PTCH1: variants seen among roughly 807,000 people sequenced by gnomAD.
PTCH1 encodes patched 1.
Under a neutral mutation model 144.6 loss-of-function variants are expected in PTCH1, and 14 were observed. The ratio of observed to expected loss-of-function variants is 0.10; its 90% confidence interval spans 0.06 to 0.15. PTCH1 has a LOEUF of 0.15. Ranked by LOEUF, PTCH1 falls within the 10% of genes least tolerant of loss-of-function variation. The probability of loss-of-function intolerance (pLI) is 1.00; values close to 1 mark genes in which losing one functional copy is unlikely to be tolerated. For synonymous variants in PTCH1, 833 were observed against 793.6 expected (o/e 1.05, Z -0.83); for missense variants, 1,623 against 1,948.3 (o/e 0.83, Z 3.14).
At chr9:95,448,803 T>C (rs376422388) in intron 22 of PTCH1, among the ~76,000 whole-genome samples, 2 of 151,782 alleles carry the variant, frequency 1.3e-5, no homozygotes, top group African/African-American at 4.8e-5. Flanking sequence ...CTGAACAAGA[T>C]AGATGCTACT....
At chr9:95,463,639 C>T (rs994766252) in intron 15 of PTCH1, among the ~76,000 whole-genome samples, 1 of 152,146 alleles carries the variant, frequency 6.6e-6, no homozygotes, top group African/African-American at 2.4e-5. Flanking sequence ...CTCCCTTAAC[C>T]AGCTAATCCT....
chr9:95,515,537 C>G (rs1300699151), intron 1 of PTCH1, among the ~76,000 whole-genome samples: 3 of 152,206 alleles, frequency 2.0e-5, no homozygotes, highest in Non-Finnish European at 4.4e-5. Context: ...CATGAACGTA[C>G]TAAATACGTG....
chr9:95,496,226 C>T (rs917464554), intron 2 of PTCH1, among the ~76,000 whole-genome samples: 1 of 152,212 alleles, frequency 6.6e-6, no homozygotes, highest in Non-Finnish European at 1.5e-5. Flanking sequence ...CTGTCTAACT[C>T]GCTGCTGCGA....
rs587780705 is a variant in PTCH1 at position 95,485,839 on chromosome 9, G to A, written c.430C>T (p.Arg144Cys). The A allele has an allele frequency of 1.9e-6, 3 of 1,614,010 alleles. No individual in the cohort carries two copies. Among genetic ancestry groups the A allele is most frequent in the Admixed American group, 1.7e-5 (1 of 59,998 alleles). The change falls in exon 3 of 24, where the codon CGC becomes TGC. Residue 144 changes from arginine (R) to cysteine (C), a missense_variant. By Grantham distance (180) the Arg-to-Cys change is radical (BLOSUM62 -3). This residue lies in a region of PTCH1 where 245 missense variants were observed against 240.6 expected (regional missense o/e 1.02). Coordinates refer to ENST00000331920, the MANE Select transcript of PTCH1 (RefSeq NM_000264.5). ...ATAGCCTCTTCTCCAATCTTCTGGC[G>A]AGTATAATTTAATTCACGACTTACT... The part of the protein sequence containing the change: ...GRVSRELNYT[R>C]QKIGEEAMFN...
chr9:95,474,818 AT>A (rs1259406508), intron 12 of PTCH1, among the ~76,000 whole-genome samples: 1 of 152,198 alleles, frequency 6.6e-6, no homozygotes, highest in Non-Finnish European at 1.5e-5. Flanking sequence ...AGACTGGTCA[AT>A]TTCTCTTCCT....
At chr9:95,492,113 T>C (rs954718173) in intron 2 of PTCH1, among the ~76,000 whole-genome samples, 4 of 152,204 alleles carry the variant, frequency 2.6e-5, no homozygotes, top group African/African-American at 9.7e-5. Flanking sequence ...CACTCCCTGA[T>C]CCTTCAACTG....
At position 95,485,850 on chromosome 9, in the gene PTCH1, A is replaced by G. The variant is rs1554702197; in HGVS notation, c.419T>C (p.Leu140Ser). The change falls in exon 3 of 24, where the codon TTA (leucine) becomes TCA (serine). Residue 140 changes from leucine to serine, a missense_variant. Leu to Ser is a moderately radical substitution (Grantham distance 145). Around this residue, in one of 7 missense-constraint regions of PTCH1, gnomAD observed 245 missense variants for 240.6 expected, o/e 1.02. Coordinates refer to ENST00000331920, the MANE Select transcript of PTCH1 (RefSeq NM_000264.5). Reference sequence around the variant, plus strand: ...TCCAATCTTCTGGCGAGTATAATTTAATTCACGACTTACTCGTCCTCCAAC... The same window carrying G: ...TCCAATCTTCTGGCGAGTATAATTTGATTCACGACTTACTCGTCCTCCAAC... ...VEVGGRVSRE[L>S]NYTRQKIGEE... The G allele has an allele frequency of 6.2e-7, 1 of 1,614,218 alleles. No individual in the cohort carries two copies. The highest frequency in any genetic ancestry group is 8.5e-7 in the Non-Finnish European group (1 of 1,180,046).
upstream of PTCH1, among the ~76,000 whole-genome samples, chr9:95,512,835 G>A (rs1844218969): frequency 6.6e-6 from 1 of 152,194 alleles, no homozygotes; most frequent in African/African-American, 2.4e-5. Flanking sequence ...ATAAAAATAA[G>A]TGAGAACTTG....
At position 95,489,725 on chromosome 9, in the gene PTCH1, T is replaced by C. The variant is rs372357518; in HGVS notation, c.395-3851A>G. On this transcript the variant is annotated intron_variant, in intron 2 of 23. Transcript: ENST00000331920. ...AGTGCAGAAGAAAATAACTATTAAA[T>C]CTAGTATCTGTTATGTAGATGTAGG... 3.0e-4 allele frequency among the ~76,000 whole-genome samples: 45 copies of C among 152,164 alleles called. No homozygotes were observed. In the East Asian group the frequency reaches 5.0e-3, roughly 17 times the overall value.
At chr9:95,494,784 CAGAA>C (rs1842680820) in intron 2 of PTCH1, 1 of 152,438 alleles carries the variant, frequency 6.6e-6, no homozygotes, top group African/African-American at 2.4e-5. Flanking sequence ...AAAATAGAAA[CAGAA>C]AGAAACCCAA....
chr9:95,512,985 G>A (rs570611569), upstream of PTCH1, among the ~76,000 whole-genome samples: 10 of 152,302 alleles, frequency 6.6e-5, no homozygotes, highest in East Asian at 1.9e-3. Context: ...CTTCTCATTG[G>A]AGTGTGTAGT....
chr9:95,467,645 C>T (rs757515592), intron 14 of PTCH1, among the ~76,000 whole-genome samples: 5 of 152,146 alleles, frequency 3.3e-5, no homozygotes, highest in African/African-American at 4.8e-5. Context: ...CTTGTGTTGC[C>T]AAGGCTGGAG....
intron 5 of PTCH1, among the ~76,000 whole-genome samples, chr9:95,481,433 T>C (rs1438861198): frequency 6.6e-6 from 1 of 152,212 alleles, no homozygotes; most frequent in Non-Finnish European, 1.5e-5. Context: ...ATATATAATA[T>C]CCAACTGCTA....
At position 95,474,409 on chromosome 9, in the gene PTCH1, G is replaced by A. The variant is rs1840858299; in HGVS notation, c.1728+1625C>T. Among the ~76,000 whole-genome samples the A allele has an allele frequency of 2.0e-5, 3 of 152,286 alleles. No individual in the cohort carries two copies. In the East Asian group the frequency reaches 5.8e-4, roughly 29 times the overall value. On this transcript the variant is annotated intron_variant, in intron 12 of 23. Transcript: ENST00000331920. ...TTCTACAACTTCAGCTGCACTGCGA[G>A]TCTGGTTCACCTTTCATGCCACTGA...
At chr9:95,456,156 C>G in intron 19 of PTCH1, 120 bp downstream of exon 19, 1 of 1,478,090 alleles carries the variant, frequency 6.8e-7, no homozygotes, top group Non-Finnish European at 9.2e-7. Context: ...GGCCCCTGTG[C>G]CCTGAGGCCT....
chr9:95,485,550 C>A (rs1841893375), intron 3 of PTCH1, 135 bp downstream of exon 3: 2 of 1,065,714 alleles, frequency 1.9e-6, no homozygotes, highest in South Asian at 2.9e-5. Flanking sequence ...CCTTTCATTG[C>A]AAAGCTATTT....
intron 2 of PTCH1, among the ~76,000 whole-genome samples, chr9:95,490,758 C>A (rs1448323798): frequency 1.3e-5 from 2 of 151,992 alleles, no homozygotes; most frequent in Non-Finnish European, 2.9e-5. Flanking sequence ...TTAATGAGTA[C>A]CAACATACAG....
At chr9:95,454,862 A>C (rs890518073) in intron 19 of PTCH1, among the ~76,000 whole-genome samples, 1 of 152,240 alleles carries the variant, frequency 6.6e-6, no homozygotes, top group African/African-American at 2.4e-5. Flanking sequence ...TTGGACTAGA[A>C]GTCCTAGAGT....
rs1168138539 is a variant in PTCH1, at chr9:95,506,438, G to C, written c.363C>G (p.Leu121=). 1.2e-6 allele frequency: 2 copies of C among 1,612,496 alleles called. No homozygotes were observed. Among genetic ancestry groups the C allele is most frequent in the Non-Finnish European group, 1.7e-6 (2 of 1,179,504 alleles). Residue 121 remains leucine, a synonymous_variant, in exon 2 of 24, where the codon CTC becomes CTG. Coordinates refer to ENST00000331920, the MANE Select transcript of PTCH1 (RefSeq NM_000264.5). ...CCCACAGCTCCTCCACGTTGGTCTC[G>C]AGGTTCGCTGCTTTTAATCCCACCG... ...AFAVGLKAAN[L]ETNVEELWVE... is the part of the protein sequence containing the mutation.
Sources: gnomAD v4.1 joint callset for allele counts (sites outside exome capture counted in the v4.1 genomes callset) on GRCh38, gnomAD v4.1.1 for gene constraint, gnomAD v4.1.1 regional missense constraint, MANE v1.5 for transcripts, NCBI Gene and HGNC (gene_info 2026-07-23, HGNC 2026-07-21) for gene names.